Variants in MTX2 observed in about 807,000 individuals in gnomAD.
The protein encoded by MTX2 is metaxin-2.
In MTX2, 35 loss-of-function variants were observed where a neutral mutation model predicts 42.3. That is an observed-to-expected ratio of 0.83 (90% CI 0.63 to 1.10). The LOEUF (loss-of-function observed/expected upper bound fraction) is 1.10, where lower values mean the gene tolerates loss of function less well. Among genes scored for constraint, MTX2 ranks in the 50% least tolerant of loss-of-function variants. MTX2 has a pLI of 0.00. For synonymous variants in MTX2, 119 were observed against 100.9 expected (o/e 1.18, Z -1.08); for missense variants, 307 against 304.1 (o/e 1.01, Z -0.07).
At chr2:176,276,255 C>T (rs957213103) in intron 1 of MTX2, among the ~76,000 whole-genome samples, 1 of 152,050 alleles carries the variant, frequency 6.6e-6, no homozygotes, top group Non-Finnish European at 1.5e-5. Context: ...AAGATATATA[C>T]ATTTGATATG....
rs768962184 is a variant in MTX2 at position 176,329,446 on chromosome 2, G to A, written c.543+20G>A. 2.5e-6 allele frequency: 4 copies of A among 1,590,582 alleles called. No homozygotes were observed. The highest frequency in any genetic ancestry group is 3.4e-6 in the Non-Finnish European group (4 of 1,167,508). On this transcript the variant is annotated intron_variant, in intron 8 of 9. Transcript: ENST00000249442. ...GACCAGGTCAGTTCAGGTTGAAGTT[G>A]ACAAAACCCTCAACTTTTATGCATT...
chr2:176,279,314 A>G (rs1693026596), intron 1 of MTX2, among the ~76,000 whole-genome samples: 1 of 152,160 alleles, frequency 6.6e-6, no homozygotes, highest in Non-Finnish European at 1.5e-5. Context: ...TAGAGCACTA[A>G]TCAGAACTTT....
intron 3 of MTX2, among the ~76,000 whole-genome samples, chr2:176,300,302 A>G (rs1683990555): frequency 1.3e-5 from 2 of 152,146 alleles, no homozygotes; most frequent in Admixed American, 6.6e-5. Context: ...TGTTGGCCAC[A>G]TTTGTGATTT....
chr2:176,308,580 G>T (rs1684213701), intron 3 of MTX2, among the ~76,000 whole-genome samples: 1 of 152,164 alleles, frequency 6.6e-6, no homozygotes, highest in African/African-American at 2.4e-5. Context: ...CCTGTTATTG[G>T]TCTATTCAGA....
intron 3 of MTX2, among the ~76,000 whole-genome samples, chr2:176,298,760 A>G (rs941802007): frequency 2.0e-5 from 3 of 152,250 alleles, no homozygotes; most frequent in Non-Finnish European, 4.4e-5. Flanking sequence ...ATAAAATAAT[A>G]TTTTCAATCT....
chr2:176,290,545 G>A (rs998489638), intron 1 of MTX2, among the ~76,000 whole-genome samples: 3 of 152,142 alleles, frequency 2.0e-5, no homozygotes, highest in African/African-American at 7.2e-5. Flanking sequence ...GAGTAGAGAA[G>A]AAGTTGTCCT....
chr2:176,321,944 T>G (rs770612570), intron 3 of MTX2, among the ~76,000 whole-genome samples: 1 of 148,592 alleles, frequency 6.7e-6, no homozygotes, highest in African/African-American at 2.5e-5. Flanking sequence ...GAAAGATGAA[T>G]TGTGGGAAAA....
intron 3 of MTX2, among the ~76,000 whole-genome samples, chr2:176,305,540 A>G (rs1684122057): frequency 1.3e-5 from 2 of 152,152 alleles, no homozygotes; most frequent in African/African-American, 4.8e-5. Flanking sequence ...CATGGTCTGT[A>G]TGTACTAATG....
chr2:176,271,501 C>G (rs943393668), intron 1 of MTX2, among the ~76,000 whole-genome samples: 1 of 152,072 alleles, frequency 6.6e-6, no homozygotes, highest in Non-Finnish European at 1.5e-5. Flanking sequence ...TTGGAACAGG[C>G]ATTTCACAAA....
intron 3 of MTX2, among the ~76,000 whole-genome samples, chr2:176,311,008 C>G (rs1684290845): frequency 1.3e-5 from 2 of 152,192 alleles, no homozygotes; most frequent in Admixed American, 1.3e-4. Context: ...AGCTTTTCTG[C>G]TCTGGTTTCT....
rs753827257 is a variant in MTX2, at chr2:176,296,886, A to G, written c.67A>G (p.Thr23Ala). 12 of 1,613,450 alleles carry G rather than the reference A, an allele frequency of 7.4e-6. No homozygotes were observed. The highest frequency in any genetic ancestry group is 1.0e-5 in the Non-Finnish European group (12 of 1,179,654). The change falls in exon 2 of 10, where the codon ACA becomes GCA. Residue 23 changes from threonine to alanine, a missense_variant. Coordinates refer to ENST00000249442, the MANE Select transcript of MTX2 (RefSeq NM_006554.5). The part of the protein sequence containing the change: ...AAAEPWPENA[T>A]LYQQLKGEQI... ...TGCAGAACCTTGGCCTGAAAATGCT[A>G]CATTATATCAGCAATTGAAAGGTAA...
intron 3 of MTX2, among the ~76,000 whole-genome samples, chr2:176,323,114 C>CA (rs909912747): frequency 1.3e-5 from 2 of 151,804 alleles, no homozygotes; most frequent in African/African-American, 4.8e-5. Flanking sequence ...TAAACTAATA[C>CA]AGTAACATAA....
chr2:176,326,844 T>C lies in MTX2; in HGVS notation c.228T>C (p.His76=). ...CAACAGGTAAAGTACCTTTTATTCATGTGGGAAATCAAGTAGTATCAGAAC... is the reference window on the plus strand; with the variant it reads ...CAACAGGTAAAGTACCTTTTATTCACGTGGGAAATCAAGTAGTATCAGAAC... The part of the protein sequence containing the change: ...MSPSGKVPFI[H]VGNQVVSELG... The change falls in exon 5 of 10, where the codon CAT becomes CAC. Residue 76 remains histidine, a synonymous_variant. Coordinates refer to ENST00000249442, the MANE Select transcript of MTX2 (RefSeq NM_006554.5). The C allele has an allele frequency of 6.4e-7, 1 of 1,572,934 alleles. No homozygotes were observed. The highest frequency in any genetic ancestry group is 8.6e-7 in the Non-Finnish European group (1 of 1,156,400).
At chr2:176,319,913 T>C (rs1684536839) in intron 3 of MTX2, among the ~76,000 whole-genome samples, 1 of 152,142 alleles carries the variant, frequency 6.6e-6, no homozygotes, top group Non-Finnish European at 1.5e-5. Context: ...TTTCCCAGGC[T>C]GGTCGTGAAC....
At chr2:176,296,152 T>C (rs952604447) in intron 1 of MTX2, among the ~76,000 whole-genome samples, 15 of 152,126 alleles carry the variant, frequency 9.9e-5, no homozygotes, top group Non-Finnish European at 2.2e-4. Context: ...CTTCTCTGGA[T>C]GAGAGATTAA....
In MTX2 at chr2:176,329,430, A is replaced by G. The variant is rs756942943; in HGVS notation, c.543+4A>G. The G allele has an allele frequency of 1.9e-6, 3 of 1,602,264 alleles. No homozygotes were observed. The highest frequency in any genetic ancestry group is 2.6e-6 in the Non-Finnish European group (3 of 1,172,928). ...GGGAAAGAAGACTCTGGACCAGGTC[A>G]GTTCAGGTTGAAGTTGACAAAACCC... On this transcript the variant is annotated splice_donor_region_variant and intron_variant, in intron 8 of 9. Transcript: ENST00000249442.
At chr2:176,276,268 C>G (rs914242727) in intron 1 of MTX2, among the ~76,000 whole-genome samples, 1 of 152,062 alleles carries the variant, frequency 6.6e-6, no homozygotes, top group Non-Finnish European at 1.5e-5. Flanking sequence ...TTGATATGCT[C>G]CAGCCATGTT....
chr2:176,307,531 A>G (rs1198996135), intron 3 of MTX2, among the ~76,000 whole-genome samples: 1 of 152,186 alleles, frequency 6.6e-6, no homozygotes, highest in Non-Finnish European at 1.5e-5. Flanking sequence ...TTTCCTATCC[A>G]TGAGCATGGA....
At chr2:176,289,576 A>G (rs1018266010) in intron 1 of MTX2, among the ~76,000 whole-genome samples, 2 of 152,078 alleles carry the variant, frequency 1.3e-5, no homozygotes, top group African/African-American at 2.4e-5. Context: ...TCTGCAGTAT[A>G]GGGATATATT....
Sources: allele counts gnomAD v4.1 joint callset (sites outside exome capture counted in the v4.1 genomes callset), GRCh38; gene constraint gnomAD v4.1.1; transcripts MANE v1.5; gene names NCBI Gene and HGNC (gene_info 2026-07-23, HGNC 2026-07-21).